AS3MT: variants seen among roughly 807,000 people sequenced by gnomAD.
AS3MT encodes the protein S-adenosyl-L-methionine:arsenic(III) methyltransferase.
Under a neutral mutation model 45.3 loss-of-function variants are expected in AS3MT, and 47 were observed. That is an observed-to-expected ratio of 1.04 (90% CI 0.82 to 1.32). AS3MT has a LOEUF of 1.32. AS3MT is among the 40% of genes most tolerant of loss of function. The probability of loss-of-function intolerance (pLI) is 0.00; values close to 1 mark genes in which losing one functional copy is unlikely to be tolerated. For missense variants in AS3MT, 396 were observed against 451.1 expected (o/e 0.88, Z 1.11); for synonymous variants, 141 against 152.8 (o/e 0.92, Z 0.57).
At chr10:102,891,545 G>A (rs1268281264) in intron 10 of AS3MT, among the ~76,000 whole-genome samples, 1 of 152,196 alleles carries the variant, frequency 6.6e-6, no homozygotes, top group Non-Finnish European at 1.5e-5. Flanking sequence ...CTTGAAAAGA[G>A]CCTATCTGGC....
Position 102,901,188 on chromosome 10 carries a change from T to TTTTA in AS3MT, c.*504_*507dup, listed in dbSNP as rs1197142924. On this transcript the variant is annotated 3_prime_UTR_variant, in exon 11 of 11. Transcript: ENST00000369880. ...TCACTGAAAAAAATAAATGAATTAT[T>TTTTA]TTTATTTATTTATTTATTTTTTTGA... 1.3e-5 allele frequency: 2 copies of TTTTA among 151,770 alleles called. No individual in the cohort carries two copies. The highest frequency in any genetic ancestry group is 2.4e-5 in the African/African-American group (1 of 41,352). The allele number at this position is 151,770 out of a possible 1,614,324, so 9.4% of individuals were successfully genotyped here. A position where few individuals can be genotyped will look rare whatever the true frequency, so the allele number is the denominator to read the frequency against.
At chr10:102,890,718 T>C in intron 10 of AS3MT, 40 bp downstream of exon 10, 1 of 1,578,808 alleles carries the variant, frequency 6.3e-7, no homozygotes, top group Non-Finnish European at 8.6e-7. Flanking sequence ...CTATTTTATT[T>C]ATTTATTTTT....
intron 10 of AS3MT, among the ~76,000 whole-genome samples, chr10:102,894,511 G>A (rs1218409538): frequency 6.6e-6 from 1 of 152,042 alleles, no homozygotes; most frequent in East Asian, 1.9e-4. Flanking sequence ...TCGGGCAAAG[G>A]CATTGCAAAG....
chr10:102,886,356 G>C (rs1255016881), intron 9 of AS3MT, among the ~76,000 whole-genome samples: 1 of 127,202 alleles, frequency 7.9e-6, no homozygotes, highest in East Asian at 2.4e-4. Context: ...AGGGAATCTC[G>C]CTCTGTTGCC....
chr10:102,889,810 G>A (rs1467488986), intron 9 of AS3MT, among the ~76,000 whole-genome samples: 1 of 151,746 alleles, frequency 6.6e-6, no homozygotes, highest in Non-Finnish European at 1.5e-5. Context: ...CGAGTAGCTG[G>A]GATTACGGGC....
Position 102,872,439 on chromosome 10 carries a change from A to G in AS3MT, c.171-9A>G, listed in dbSNP as rs560096528. ...TCCAGGGAAAAAATATGTGTTTTCCATTTCCCAGATATTATGGCTGTGGTC... is the reference window on the plus strand; with the variant it reads ...TCCAGGGAAAAAATATGTGTTTTCCGTTTCCCAGATATTATGGCTGTGGTC... On this transcript the variant is annotated splice_polypyrimidine_tract_variant and intron_variant, in intron 3 of 10. Transcript: ENST00000369880. The G allele has an allele frequency of 1.4e-5, 22 of 1,613,168 alleles. No homozygotes were observed. Among genetic ancestry groups the G allele is most frequent in the Admixed American group, 3.4e-5 (2 of 59,612 alleles).
chr10:102,884,186 G>A (rs1192164363), intron 9 of AS3MT, among the ~76,000 whole-genome samples: 4 of 151,858 alleles, frequency 2.6e-5, no homozygotes, highest in Non-Finnish European at 4.4e-5. Flanking sequence ...CACCATGTTG[G>A]CCAGGCTGGT....
At chr10:102,894,300 G>A (rs571996076) in intron 10 of AS3MT, among the ~76,000 whole-genome samples, 287 of 152,088 alleles carry the variant, frequency 1.9e-3, no homozygotes, top group Middle Eastern at 3.4e-3. Flanking sequence ...GCAGGCACCT[G>A]TAGTCCCAGC....
chr10:102,897,626 C>T (rs1204585760), intron 10 of AS3MT, among the ~76,000 whole-genome samples: 2 of 151,894 alleles, frequency 1.3e-5, no homozygotes, highest in East Asian at 2.0e-4. Flanking sequence ...CCACCACGCC[C>T]GGCTCATTTT....
chr10:102,869,932 C>T, intron 2 of AS3MT, 87 bp downstream of exon 2: 1 of 1,584,948 alleles, frequency 6.3e-7, no homozygotes, highest in South Asian at 1.1e-5. Flanking sequence ...CCCGGGACTC[C>T]TGGAGTCGGG....
chr10:102,878,228 A>G, intron 7 of AS3MT, 151 bp from the exon 8 acceptor site: 2 of 1,125,722 alleles, frequency 1.8e-6, no homozygotes, highest in Non-Finnish European at 2.5e-6. Context: ...GGCTTTCTAG[A>G]CCTTGGAGGG....
intron 9 of AS3MT, among the ~76,000 whole-genome samples, chr10:102,888,881 A>ATATTTTTTTTTT (rs1491503446): frequency 1.9e-4 from 10 of 52,512 alleles, no homozygotes; most frequent in Non-Finnish European, 2.9e-4. Context: ...ATATATATAT[A>ATATTTTTTTTTT]TTTTTTTTTT....
At chr10:102,890,905 G>T (rs566455368) in intron 10 of AS3MT, among the ~76,000 whole-genome samples, 1 of 152,010 alleles carries the variant, frequency 6.6e-6, no homozygotes, top group African/African-American at 2.4e-5. Flanking sequence ...TAGAGATGGG[G>T]TTTCGCCATG....
chr10:102,873,177 C>T lies in AS3MT; in HGVS notation c.402C>T (p.Gly134=). ...FQASNVTFIH[G]YIEKLGEAGI... is the part of the protein sequence containing the mutation. ...CATCTAATGTGACTTTTATTCATGGCTACATTGAGAAGTTGGGAGAGGCTG... is the reference window on the plus strand; with the variant it reads ...CATCTAATGTGACTTTTATTCATGGTTACATTGAGAAGTTGGGAGAGGCTG... Residue 134 remains glycine, a synonymous_variant, in exon 5 of 11, where the codon GGC becomes GGT. Coordinates refer to ENST00000369880, the MANE Select transcript of AS3MT (RefSeq NM_020682.4). The T allele has an allele frequency of 6.2e-7, 1 of 1,610,524 alleles. No homozygotes were observed. The highest frequency in any genetic ancestry group is 8.5e-7 in the Non-Finnish European group (1 of 1,178,892).
At chr10:102,875,010 C>T (rs1344481026) in intron 6 of AS3MT, among the ~76,000 whole-genome samples, 1 of 152,192 alleles carries the variant, frequency 6.6e-6, no homozygotes, top group Non-Finnish European at 1.5e-5. Flanking sequence ...AATATACTCT[C>T]TTCTAGCATG....
In AS3MT at chr10:102,869,797, C is replaced by G. The variant is rs559172379; in HGVS notation, c.2-8C>G. On this transcript the variant is annotated splice_polypyrimidine_tract_variant and splice_region_variant and intron_variant, in intron 1 of 10. Transcript: ENST00000369880. ...TCTCCTTTCAACTAACTTTCCCGCTCCCGACAGTGGCTGCACTTCGTGACG... is the reference window on the plus strand; with the variant it reads ...TCTCCTTTCAACTAACTTTCCCGCTGCCGACAGTGGCTGCACTTCGTGACG... The G allele has an allele frequency of 6.9e-5, 111 of 1,614,176 alleles. No homozygotes were observed. Among genetic ancestry groups the G allele is most frequent in the Middle Eastern group, 6.6e-4 (4 of 6,062 alleles).
At chr10:102,889,123 C>T (rs1225990273) in intron 9 of AS3MT, among the ~76,000 whole-genome samples, 1 of 151,860 alleles carries the variant, frequency 6.6e-6, no homozygotes, top group Non-Finnish European at 1.5e-5. Flanking sequence ...ATCTCCTGAC[C>T]TTGTGATCCA....
At position 102,873,174 on chromosome 10, in the gene AS3MT, T is replaced by C. The variant is rs552146048; in HGVS notation, c.399T>C (p.His133=). The C allele has an allele frequency of 3.1e-6, 5 of 1,611,390 alleles. No homozygotes were observed. The South Asian group carries it at 4.4e-5, about 14-fold the overall frequency. ...GFQASNVTFI[H]GYIEKLGEAG... Reference sequence around the variant, plus strand: ...AGGCATCTAATGTGACTTTTATTCATGGCTACATTGAGAAGTTGGGAGAGG... The same window carrying C: ...AGGCATCTAATGTGACTTTTATTCACGGCTACATTGAGAAGTTGGGAGAGG... Residue 133 remains histidine, a synonymous_variant, in exon 5 of 11, where the codon CAT becomes CAC. Coordinates refer to ENST00000369880, the MANE Select transcript of AS3MT (RefSeq NM_020682.4).
rs1421723292 is a variant in AS3MT at position 102,878,372 on chromosome 10, T to G, written c.611-7T>G. 3 of 1,611,348 alleles carry G rather than the reference T, an allele frequency of 1.9e-6. No homozygotes were observed. Among genetic ancestry groups the G allele is most frequent in the Non-Finnish European group, 2.5e-6 (3 of 1,179,438 alleles). On this transcript the variant is annotated splice_region_variant and splice_polypyrimidine_tract_variant and intron_variant, in intron 7 of 10. Transcript: ENST00000369880. ...TCTGTGGTTTTTTGTTGTTGTTTGT[T>G]TTTTAGGTGAGTGTCTGGGTGGTGC... is the stretch of plus-strand genomic sequence containing the variant.
Sources: gnomAD v4.1 joint callset for allele counts (sites outside exome capture counted in the v4.1 genomes callset) on GRCh38, gnomAD v4.1.1 for gene constraint, MANE v1.5 for transcripts, NCBI Gene and HGNC (gene_info 2026-07-23, HGNC 2026-07-21) for gene names.